RBFOX1: variants seen among roughly 807,000 people sequenced by gnomAD.
RBFOX1 encodes RNA binding fox-1 homolog 1, also known as RNA binding protein fox-1 homolog 1.
A neutral mutation model predicts 57.7 loss-of-function variants in RBFOX1; 8 were observed. The observed-to-expected ratio is 0.14, with a 90% confidence interval of 0.08 to 0.25. The LOEUF (loss-of-function observed/expected upper bound fraction) is 0.25. RBFOX1 is among the 10% of genes least tolerant of loss of function. The pLI, the probability that RBFOX1 is intolerant of heterozygous loss-of-function variation, is 1.00. For synonymous variants in RBFOX1, 326 were observed against 222.4 expected (o/e 1.47, Z -4.15); for missense variants, 611 against 548.5 (o/e 1.11, Z -1.14).
intron 2 of RBFOX1, among the ~76,000 whole-genome samples, chr16:6,485,819 A>C (rs1424883043): frequency 6.6e-6 from 1 of 152,152 alleles, no homozygotes; most frequent in Non-Finnish European, 1.5e-5. Flanking sequence ...CTTATCCTTC[A>C]AACTTCTGTT....
intron 4 of RBFOX1, among the ~76,000 whole-genome samples, chr16:5,932,228 G>A (rs1281672366): frequency 6.6e-6 from 1 of 152,210 alleles, no homozygotes; most frequent in African/African-American, 2.4e-5. Flanking sequence ...TTAGAGATCA[G>A]TGAGAAGGTT....
intron 3 of RBFOX1, among the ~76,000 whole-genome samples, chr16:6,735,348 C>T (rs150347607): frequency 2.6e-5 from 4 of 152,272 alleles, no homozygotes; most frequent in Non-Finnish European, 5.9e-5. Context: ...TACTTAGTGC[C>T]GTCAGCTAGG....
intron 1 of RBFOX1, among the ~76,000 whole-genome samples, chr16:6,134,796 T>C (rs1057349622): frequency 6.6e-6 from 1 of 151,572 alleles, no homozygotes; most frequent in Admixed American, 6.6e-5. Context: ...ACTCAGAGTA[T>C]TTCTTATGTG....
chr16:6,361,628 T>TTAAAAAAAAAAAAAA lies in RBFOX1; in HGVS notation c.-64+44571_-64+44572insTAAAAAAAAAAAAAA, dbSNP rs1371587081. Among the ~76,000 whole-genome samples the TTAAAAAAAAAAAAAA allele has an allele frequency of 4.1e-3, 524 of 127,822 alleles. 8 individuals are homozygous for TTAAAAAAAAAAAAAA. The highest frequency in any genetic ancestry group is 0.015 in the African/African-American group (498 of 34,292). 83.9% of individuals were successfully genotyped at this position (127,822 alleles called of 152,430 possible). A position where few individuals can be genotyped will look rare whatever the true frequency, so the allele number is the denominator to read the frequency against. The stretch of plus-strand genomic sequence containing the variant: ...GGGTGACACATTGAGACTCTGTCTC[T>TTAAAAAAAAAAAAAA]AAAAAAAAAAAAAAAAATCATGGTC... On this transcript the variant is annotated intron_variant, in intron 2 of 15. Transcript: ENST00000550418.
intron 3 of RBFOX1, among the ~76,000 whole-genome samples, chr16:6,898,905 GTGTT>G (rs1450929451): frequency 8.7e-4 from 111 of 127,980 alleles, no homozygotes; most frequent in African/African-American, 4.9e-3. Context: ...CATCTCGTAT[GTGTT>G]TGTGCATATG....
chr16:7,105,539 T>G (rs1440911278), intron 4 of RBFOX1, among the ~76,000 whole-genome samples: 2 of 152,084 alleles, frequency 1.3e-5, no homozygotes, highest in Non-Finnish European at 2.9e-5. Flanking sequence ...CTTTGCTTCC[T>G]CATAGCTTAG....
intron 1 of RBFOX1, chr16:6,092,980 G>T (rs1398842255): frequency 1.3e-5 from 2 of 152,114 alleles, no homozygotes; most frequent in Non-Finnish European, 2.9e-5. Flanking sequence ...TATCACCTGG[G>T]TGACAGAATA....
intron 5 of RBFOX1, among the ~76,000 whole-genome samples, chr16:7,530,430 A>G (rs551461170): frequency 1.3e-5 from 2 of 151,712 alleles, no homozygotes; most frequent in Non-Finnish European, 2.9e-5. Context: ...TCTCTTTGCT[A>G]TCCTATTTTG....
chr16:6,960,950 A>C (rs1208121300), intron 3 of RBFOX1, among the ~76,000 whole-genome samples: 1 of 147,490 alleles, frequency 6.8e-6, no homozygotes, highest in Non-Finnish European at 1.5e-5. Context: ...CAACGTGATG[A>C]AACTCCATCT....
At chr16:7,448,195 A>G (rs2098823313) in intron 4 of RBFOX1, among the ~76,000 whole-genome samples, 1 of 152,222 alleles carries the variant, frequency 6.6e-6, no homozygotes. Context: ...GGCTTAAAAT[A>G]ACAGAAACTT....
At chr16:7,271,889 C>T (rs753424844) in intron 4 of RBFOX1, among the ~76,000 whole-genome samples, 3 of 152,046 alleles carry the variant, frequency 2.0e-5, no homozygotes, top group African/African-American at 4.8e-5. Context: ...CTGTGCATAT[C>T]GATTAGTTGA....
chr16:6,848,928 G>A (rs1233475391), intron 3 of RBFOX1, among the ~76,000 whole-genome samples: 2 of 152,114 alleles, frequency 1.3e-5, no homozygotes, highest in African/African-American at 4.8e-5. Context: ...ACCAGAGAAT[G>A]TCTCACCCTG....
rs187688728 is a variant in RBFOX1, at chr16:6,310,228, A to G, written c.-126-6767A>G. On this transcript the variant is annotated intron_variant, in intron 1 of 15. Coordinates refer to ENST00000550418, the MANE Select transcript of RBFOX1 (RefSeq NM_018723.4). ...AGCATAAGCCACATGTAAACCTTGGAATAGCGGATACAATTGTATTTCATC... is the reference window on the plus strand; with the variant it reads ...AGCATAAGCCACATGTAAACCTTGGGATAGCGGATACAATTGTATTTCATC... Among the ~76,000 whole-genome samples the G allele has an allele frequency of 1.1e-3, 170 of 152,292 alleles. 1 individual carries two copies. Among genetic ancestry groups the G allele is most frequent in the Non-Finnish European group, 7.8e-4 (53 of 68,022 alleles).
intron 3 of RBFOX1, among the ~76,000 whole-genome samples, chr16:7,044,329 G>C (rs2047177336): frequency 6.6e-6 from 1 of 152,160 alleles, no homozygotes; most frequent in Admixed American, 6.5e-5. Flanking sequence ...TGATGTGTGG[G>C]AGAGAAAAAT....
At chr16:5,486,500 CG>C (rs1298158059) in intron 2 of RBFOX1, among the ~76,000 whole-genome samples, 1 of 152,172 alleles carries the variant, frequency 6.6e-6, no homozygotes, top group Non-Finnish European at 1.5e-5. Flanking sequence ...ATGGGGAAGC[CG>C]GATGGAAGAA....
chr16:5,304,641 A>G (rs9925874), intron 1 of RBFOX1, among the ~76,000 whole-genome samples: 95,671 of 152,030 alleles, frequency 0.63, 30,822 homozygotes, highest in South Asian at 0.73. Context: ...ATTAGTAGTG[A>G]ATAAATCAGA....
intron 4 of RBFOX1, among the ~76,000 whole-genome samples, chr16:5,868,487 T>C (rs1000004394): frequency 5.9e-5 from 9 of 152,208 alleles, no homozygotes; most frequent in Non-Finnish European, 1.3e-4. Context: ...TAGGGTAAAA[T>C]AGAATAAAGC....
At chr16:7,531,947 A>C (rs1429094896) in intron 5 of RBFOX1, among the ~76,000 whole-genome samples, 2 of 152,230 alleles carry the variant, frequency 1.3e-5, no homozygotes, top group East Asian at 1.9e-4. Context: ...AGAGTGAAAG[A>C]GGCCTTCATA....
At chr16:7,580,318 G>C (rs1222467819) in intron 6 of RBFOX1, among the ~76,000 whole-genome samples, 1 of 152,092 alleles carries the variant, frequency 6.6e-6, no homozygotes, top group Non-Finnish European at 1.5e-5. Flanking sequence ...ATGATCCAGA[G>C]GGTGACTCTT....
Sources: gnomAD v4.1 joint callset for allele counts (sites outside exome capture counted in the v4.1 genomes callset) on GRCh38, gnomAD v4.1.1 for gene constraint, MANE v1.5 for transcripts, NCBI Gene and HGNC (gene_info 2026-07-23, HGNC 2026-07-21) for gene names.